The following BRINP3 variants were observed in gnomAD, a reference collection of about 807,000 sequenced individuals.
The protein encoded by BRINP3 is BMP/retinoic acid inducible neural specific 3, also known as BMP/retinoic acid-inducible neural-specific protein 3.
A neutral mutation model predicts 71.0 loss-of-function variants in BRINP3; 19 were observed. The ratio of observed to expected loss-of-function variants is 0.27; its 90% CI spans 0.19 to 0.39. BRINP3 has a LOEUF of 0.39. BRINP3 is among the 10% of genes least tolerant of loss of function. The pLI, the probability that BRINP3 is intolerant of heterozygous loss-of-function variation, is 1.00. For synonymous variants in BRINP3, 380 were observed against 337.7 expected (o/e 1.13, Z -1.37); for missense variants, 959 against 940.8 (o/e 1.02, Z -0.25).
At chr1:190,453,230 TTTTTTTTTGA>T in intron 2 of BRINP3, among the ~76,000 whole-genome samples, 1 of 110,722 alleles carries the variant, frequency 9.0e-6, no homozygotes, top group Admixed American at 9.5e-5. Context: ...TTTTTTTTTT[TTTTTTTTTGA>T]GACGGAGGCT....
chr1:190,277,298 T>C (rs1428480048), intron 3 of BRINP3, among the ~76,000 whole-genome samples: 1 of 150,480 alleles, frequency 6.6e-6, no homozygotes, highest in Non-Finnish European at 1.5e-5. Context: ...CTTCCTCCTT[T>C]TGTGGATGTG....
chr1:190,313,966 C>T (rs1368897386), intron 2 of BRINP3, among the ~76,000 whole-genome samples: 1 of 151,928 alleles, frequency 6.6e-6, no homozygotes, highest in Non-Finnish European at 1.5e-5. Flanking sequence ...TTTCATACAT[C>T]AAATGCAATT....
intron 6 of BRINP3, among the ~76,000 whole-genome samples, chr1:190,201,682 C>T (rs566752199): frequency 9.4e-4 from 143 of 151,710 alleles, no homozygotes; most frequent in Admixed American, 2.6e-3. Flanking sequence ...GTCCTGCATC[C>T]CAGCTGCTCC....
At chr1:190,370,605 CTT>C (rs1558226209) in intron 2 of BRINP3, among the ~76,000 whole-genome samples, 4 of 152,184 alleles carry the variant, frequency 2.6e-5, no homozygotes, top group African/African-American at 9.6e-5. Context: ...AATAACCAGA[CTT>C]ATGCGAAAAG....
intron 6 of BRINP3, among the ~76,000 whole-genome samples, chr1:190,167,589 A>G (rs2102484873): frequency 6.6e-6 from 1 of 152,280 alleles, no homozygotes; most frequent in Non-Finnish European, 1.5e-5. Flanking sequence ...TTGCAGCTGT[A>G]GGGCTTCAAA....
At chr1:190,411,237 G>A (rs1672643273) in intron 2 of BRINP3, among the ~76,000 whole-genome samples, 1 of 152,048 alleles carries the variant, frequency 6.6e-6, no homozygotes, top group South Asian at 2.1e-4. Context: ...AGGACAACGG[G>A]ATATTTATTA....
At chr1:190,321,701 A>C (rs1320619430) in intron 2 of BRINP3, among the ~76,000 whole-genome samples, 1 of 152,086 alleles carries the variant, frequency 6.6e-6, no homozygotes, top group African/African-American at 2.4e-5. Context: ...TGCTTTGGAA[A>C]CATCATGATG....
At chr1:190,443,822 G>GC (rs1192880611) in intron 2 of BRINP3, among the ~76,000 whole-genome samples, 1 of 152,110 alleles carries the variant, frequency 6.6e-6, no homozygotes, top group African/African-American at 2.4e-5. Flanking sequence ...GCCAATCAAG[G>GC]CCCAACTTGT....
intron 2 of BRINP3, among the ~76,000 whole-genome samples, chr1:190,347,227 G>A (rs757293890): frequency 6.6e-6 from 1 of 151,936 alleles, no homozygotes; most frequent in Non-Finnish European, 1.5e-5. Flanking sequence ...TACAACCTCT[G>A]CCTCCCAGGT....
In BRINP3 at chr1:190,244,449, C is replaced by T. The variant is rs552000095; in HGVS notation, c.619-9972G>A. On this transcript the variant is annotated intron_variant, in intron 4 of 7. Transcript: ENST00000367462. ...CTGCAAGCTGATGCTCCAAATGATA[C>T]AAAAACTTAGAAATTGAATTATCTG... Among the ~76,000 whole-genome samples, 356 of 152,196 alleles carry T rather than the reference C, an allele frequency of 2.3e-3. 1 individual carries two copies. The highest frequency in any genetic ancestry group is 4.3e-3 in the Non-Finnish European group (291 of 68,002).
intron 2 of BRINP3, among the ~76,000 whole-genome samples, chr1:190,309,894 C>T (rs1260354889): frequency 6.6e-6 from 1 of 151,534 alleles, no homozygotes; most frequent in Non-Finnish European, 1.5e-5. Context: ...AATGAAATCC[C>T]TAAAATTAAT....
At chr1:190,411,942 G>A (rs549345903) in intron 2 of BRINP3, among the ~76,000 whole-genome samples, 1 of 152,068 alleles carries the variant, frequency 6.6e-6, no homozygotes, top group African/African-American at 2.4e-5. Context: ...AAAAATCGAC[G>A]ACTGAAATTC....
At chr1:190,308,569 C>A (rs572248256) in intron 2 of BRINP3, among the ~76,000 whole-genome samples, 16 of 151,600 alleles carry the variant, frequency 1.1e-4, no homozygotes, top group Non-Finnish European at 2.2e-4. Context: ...GTGCAGCACA[C>A]CAGCATAGCA....
intron 6 of BRINP3, among the ~76,000 whole-genome samples, chr1:190,163,037 G>T (rs1426905638): frequency 6.6e-6 from 1 of 152,000 alleles, no homozygotes; most frequent in Non-Finnish European, 1.5e-5. Flanking sequence ...AACATCTTCA[G>T]TATCTGAAAT....
chr1:190,336,353 T>C (rs539284368), intron 2 of BRINP3, among the ~76,000 whole-genome samples: 4 of 152,172 alleles, frequency 2.6e-5, no homozygotes, highest in South Asian at 2.1e-4. Context: ...AGTTACATAG[T>C]TTTTTGTTTG....
intron 2 of BRINP3, among the ~76,000 whole-genome samples, chr1:190,290,706 G>A (rs1302349408): frequency 4.6e-5 from 7 of 152,116 alleles, no homozygotes. Context: ...TGAGGTGTGT[G>A]CTCTTTTTAT....
At chr1:190,302,837 A>G (rs1183336733) in intron 2 of BRINP3, 1 of 151,904 alleles carries the variant, frequency 6.6e-6, no homozygotes, top group Non-Finnish European at 1.5e-5. Context: ...TTTTCACAGA[A>G]TATAGAAAAT....
intron 6 of BRINP3, among the ~76,000 whole-genome samples, chr1:190,187,092 A>G (rs549151525): frequency 2.0e-5 from 3 of 152,208 alleles, no homozygotes; most frequent in African/African-American, 7.2e-5. Context: ...GTGAAGTACT[A>G]TTATATATGT....
chr1:190,165,012 T>C (rs1651364051), intron 6 of BRINP3, among the ~76,000 whole-genome samples: 2 of 152,078 alleles, frequency 1.3e-5, no homozygotes, highest in Non-Finnish European at 2.9e-5. Flanking sequence ...GAAATGACAA[T>C]GCAATATGGA....
Sources: gnomAD v4.1 joint callset for allele counts (sites outside exome capture counted in the v4.1 genomes callset) on GRCh38, gnomAD v4.1.1 for gene constraint, MANE v1.5 for transcripts, NCBI Gene and HGNC (gene_info 2026-07-23, HGNC 2026-07-21) for gene names.